Variants in DDX10 observed in about 807,000 individuals in gnomAD.
DDX10 encodes the protein probable ATP-dependent RNA helicase DDX10.
In DDX10, 74 loss-of-function variants were observed where a neutral mutation model predicts 104.3. The ratio of observed to expected loss-of-function variants is 0.71; its 90% CI spans 0.59 to 0.86. The LOEUF is 0.86. Among genes scored for constraint, DDX10 ranks in the 40% least tolerant of loss-of-function variants. The probability of loss-of-function intolerance (pLI) is 0.00; values close to 1 mark genes in which losing one functional copy is unlikely to be tolerated. For synonymous variants in DDX10, 351 were observed against 353.4 expected (o/e 0.99, Z 0.08); for missense variants, 952 against 1,040.0 (o/e 0.92, Z 1.16).
At chr11:108,787,987 A>G (rs1463575742) in intron 13 of DDX10, among the ~76,000 whole-genome samples, 2 of 152,216 alleles carry the variant, frequency 1.3e-5, no homozygotes, top group Non-Finnish European at 2.9e-5. Flanking sequence ...TTTCCCTTCC[A>G]GAAGCTCAGT....
rs376434829 is a variant in DDX10, at chr11:108,708,274, A to T, written c.1322+1437A>T. Among the ~76,000 whole-genome samples, 123 of 147,746 alleles carry T rather than the reference A, an allele frequency of 8.3e-4. 1 individual carries two copies. In the South Asian group the frequency reaches 0.011, roughly 13 times the overall value. The stretch of plus-strand genomic sequence containing the variant: ...TTTTGTTAAAAAAAATTTTTTTTTT[A>T]AAATCTGATGAGATCATGTGATTTT... On this transcript the variant is annotated intron_variant, in intron 10 of 17. Coordinates refer to ENST00000322536, the MANE Select transcript of DDX10 (RefSeq NM_004398.4).
intron 13 of DDX10, among the ~76,000 whole-genome samples, chr11:108,764,266 A>G (rs1475238832): frequency 1.3e-5 from 2 of 152,210 alleles, no homozygotes; most frequent in African/African-American, 4.8e-5. Context: ...CACATGATGA[A>G]GAGTGAAAGA....
chr11:108,796,120 G>A (rs1861937556), intron 13 of DDX10, among the ~76,000 whole-genome samples: 2 of 152,042 alleles, frequency 1.3e-5, no homozygotes, highest in South Asian at 4.1e-4. Context: ...TTTCTTTAAT[G>A]TTCCTTTAAT....
rs76839064 is a variant in DDX10, at chr11:108,831,560, G to C, written c.1966-6886G>C. ...GGTTTACTTCACTTTTAGATAAAAT[G>C]GTTTTCATTATAAATTATTAGTTGG... On this transcript the variant is annotated intron_variant, in intron 13 of 17. Coordinates refer to ENST00000322536, the MANE Select transcript of DDX10 (RefSeq NM_004398.4). Among the ~76,000 whole-genome samples, 210 of 151,666 alleles carry C rather than the reference G, an allele frequency of 1.4e-3. 2 individuals carry two copies. The highest frequency in any genetic ancestry group is 4.9e-3 in the African/African-American group (202 of 41,390).
chr11:108,686,724 T>C (rs1382395780), intron 6 of DDX10, among the ~76,000 whole-genome samples: 1 of 152,246 alleles, frequency 6.6e-6, no homozygotes, highest in Non-Finnish European at 1.5e-5. Context: ...GATCTTTGTG[T>C]GGACGTATGT....
chr11:108,914,492 A>T (rs1269309943), intron 16 of DDX10, among the ~76,000 whole-genome samples: 1 of 152,200 alleles, frequency 6.6e-6, no homozygotes, highest in Non-Finnish European at 1.5e-5. Context: ...CAAAACAGAT[A>T]TAAGCAGCTC....
At chr11:108,701,823 A>G (rs915875804) in intron 9 of DDX10, among the ~76,000 whole-genome samples, 5 of 151,142 alleles carry the variant, frequency 3.3e-5, no homozygotes, top group Admixed American at 6.6e-5. Context: ...AGTAGTTGGA[A>G]CTACAGGGTG....
chr11:108,679,227 A>G lies in DDX10; in HGVS notation c.659-144A>G, dbSNP rs138355921. The G allele has an allele frequency of 1.0e-5, 7 of 686,316 alleles. No individual in the cohort carries two copies. The East Asian group carries it at 1.6e-4, about 16-fold the overall frequency. The allele number at this position is 686,316 out of a possible 1,614,324, so 42.5% of individuals were successfully genotyped here. A position where few individuals can be genotyped will look rare whatever the true frequency, so the allele number is the denominator to read the frequency against. ...ACTAAGGTTAACATTGCTACATCAT[A>G]TAAATTCCAGACTTTATTCAGGTTT... is the stretch of plus-strand genomic sequence containing the variant. On this transcript the variant is annotated intron_variant, in intron 5 of 17. Transcript: ENST00000322536.
chr11:108,750,443 C>T (rs971980672), intron 13 of DDX10, among the ~76,000 whole-genome samples: 3 of 152,142 alleles, frequency 2.0e-5, no homozygotes, highest in Non-Finnish European at 2.9e-5. Flanking sequence ...TATTGAACTA[C>T]TCACACAATT....
chr11:108,689,624 C>G (rs1265632649), intron 7 of DDX10, among the ~76,000 whole-genome samples: 1 of 152,214 alleles, frequency 6.6e-6, no homozygotes, highest in Non-Finnish European at 1.5e-5. Flanking sequence ...TTCTTGAACA[C>G]TAGCCCTGTG....
intron 17 of DDX10, among the ~76,000 whole-genome samples, chr11:108,929,957 G>A (rs557508230): frequency 1.3e-5 from 2 of 152,026 alleles, no homozygotes; most frequent in African/African-American, 4.8e-5. Flanking sequence ...GTAACATCTT[G>A]CATTAGTGTG....
At position 108,722,978 on chromosome 11, in the gene DDX10, A is replaced by G; in HGVS notation, c.1500-19A>G. 1.3e-6 allele frequency: 2 copies of G among 1,577,172 alleles called. No individual in the cohort carries two copies. The highest frequency in any genetic ancestry group is 1.7e-6 in the Non-Finnish European group (2 of 1,166,394). On this transcript the variant is annotated intron_variant, in intron 12 of 17. Transcript: ENST00000322536. ...CATCAGTGTTGAGATGACTGTTTTC[A>G]CGTTTTTCCATATTTAAGGTCTCTT...
intron 13 of DDX10, among the ~76,000 whole-genome samples, chr11:108,758,295 G>T (rs1222053579): frequency 6.6e-6 from 1 of 152,034 alleles, no homozygotes; most frequent in African/African-American, 2.4e-5. Flanking sequence ...TACCATCTCA[G>T]TCTATAAGAG....
rs77935080 is a variant in DDX10 at position 108,876,722 on chromosome 11, C to T, written c.2304+24513C>T. On this transcript the variant is annotated intron_variant, in intron 16 of 17. Transcript: ENST00000322536. Reference sequence around the variant, plus strand: ...CACTTGTGCATCACCTGTTAGTACACGGCACTTACAGACTTGTCCACAAAT... The same window carrying T: ...CACTTGTGCATCACCTGTTAGTACATGGCACTTACAGACTTGTCCACAAAT... 3.4e-3 allele frequency among the ~76,000 whole-genome samples: 522 copies of T among 152,268 alleles called. 24 individuals are homozygous for T. The East Asian group carries it at 0.085, about 25-fold the overall frequency.
At chr11:108,922,391 C>G (rs1400543170) in intron 17 of DDX10, 1 of 152,108 alleles carries the variant, frequency 6.6e-6, no homozygotes, top group Admixed American at 6.6e-5. Context: ...GAGCGAGTTT[C>G]TTTGAAAATT....
At chr11:108,769,333 C>G (rs1425703324) in intron 13 of DDX10, among the ~76,000 whole-genome samples, 3 of 151,694 alleles carry the variant, frequency 2.0e-5, no homozygotes, top group Non-Finnish European at 4.4e-5. Flanking sequence ...TAGTTCATCT[C>G]TGATGTCTTT....
intron 13 of DDX10, among the ~76,000 whole-genome samples, chr11:108,769,093 A>T (rs934316126): frequency 6.6e-6 from 1 of 151,918 alleles, no homozygotes; most frequent in Non-Finnish European, 1.5e-5. Context: ...TGAATTTCTG[A>T]TTGCATTTAA....
At chr11:108,686,213 G>A (rs1476371929) in intron 6 of DDX10, among the ~76,000 whole-genome samples, 1 of 152,102 alleles carries the variant, frequency 6.6e-6, no homozygotes, top group Non-Finnish European at 1.5e-5. Context: ...GAATGGTGGT[G>A]CATTTGCTAC....
intron 13 of DDX10, among the ~76,000 whole-genome samples, chr11:108,772,645 G>C (rs2094364741): frequency 6.6e-6 from 1 of 152,236 alleles, no homozygotes; most frequent in Non-Finnish European, 1.5e-5. Flanking sequence ...CAGCCTACCG[G>C]TCTGTGGCCT....
Sources: allele counts gnomAD v4.1 joint callset (sites outside exome capture counted in the v4.1 genomes callset), GRCh38; gene constraint gnomAD v4.1.1; transcripts MANE v1.5; gene names NCBI Gene and HGNC (gene_info 2026-07-23, HGNC 2026-07-21).